The following ZRANB3 variants were observed in gnomAD, a reference collection of about 807,000 sequenced individuals.
ZRANB3 encodes the protein DNA annealing helicase and endonuclease ZRANB3.
In ZRANB3, 125 loss-of-function variants were observed where a neutral mutation model predicts 133.8. The observed-to-expected ratio is 0.93, with a 90% confidence interval of 0.81 to 1.08. ZRANB3 has a LOEUF of 1.08. ZRANB3 is among the 50% of genes least tolerant of loss of function. ZRANB3 has a pLI of 0.00. For missense variants in ZRANB3, 1,229 were observed against 1,275.5 expected (o/e 0.96, Z 0.56); for synonymous variants, 387 against 432.7 (o/e 0.89, Z 1.31).
chr2:135,434,683 T>G, intron 2 of ZRANB3, among the ~76,000 whole-genome samples: 1 of 152,264 alleles, frequency 6.6e-6, no homozygotes, highest in East Asian at 1.9e-4. Flanking sequence ...TTTACTATCA[T>G]GAATCCTGTT....
At chr2:135,478,887 A>C (rs935623144) in intron 2 of ZRANB3, among the ~76,000 whole-genome samples, 29 of 151,772 alleles carry the variant, frequency 1.9e-4, no homozygotes, top group African/African-American at 7.0e-4. Flanking sequence ...TGTTATATGT[A>C]TATATGTATA....
At chr2:135,381,477 C>G (rs1311819624) in intron 3 of ZRANB3, among the ~76,000 whole-genome samples, 1 of 152,164 alleles carries the variant, frequency 6.6e-6, no homozygotes, top group Non-Finnish European at 1.5e-5. Context: ...TTAAATGTCC[C>G]TGACAGCTTG....
intron 2 of ZRANB3, among the ~76,000 whole-genome samples, chr2:135,431,331 G>T (rs1038652764): frequency 6.7e-6 from 1 of 149,868 alleles, no homozygotes; most frequent in Non-Finnish European, 1.5e-5. Context: ...AAAAGTAGAT[G>T]ATATATATTG....
intron 8 of ZRANB3, among the ~76,000 whole-genome samples, chr2:135,293,471 C>T (rs1314709709): frequency 6.6e-6 from 1 of 152,070 alleles, no homozygotes; most frequent in Non-Finnish European, 1.5e-5. Flanking sequence ...GCTGAAGTTG[C>T]CTATCAGCTT....
chr2:135,312,981 C>A (rs746110743), intron 8 of ZRANB3, among the ~76,000 whole-genome samples: 41 of 148,586 alleles, frequency 2.8e-4, no homozygotes, highest in Non-Finnish European at 5.8e-4. Flanking sequence ...GATTGAGCCA[C>A]TGCACACCAG....
chr2:135,248,333 C>T (rs550577298), intron 12 of ZRANB3, among the ~76,000 whole-genome samples: 106 of 152,280 alleles, frequency 7.0e-4, no homozygotes, highest in Admixed American at 1.2e-3. Flanking sequence ...TATAAAAGCC[C>T]TGGGAGACAA....
Position 135,362,540 on chromosome 2 carries a change from T to A in ZRANB3, c.181-8912A>T, listed in dbSNP as rs994686046. The stretch of plus-strand genomic sequence containing the variant: ...GTCGGGGATGGTGGCAGAACTTAAG[T>A]AGAGTTGTAGTCCAAAGCATGGCTT... On this transcript the variant is annotated intron_variant, in intron 3 of 20. Transcript: ENST00000264159. Among the ~76,000 whole-genome samples, 7 of 152,280 alleles carry A rather than the reference T, an allele frequency of 4.6e-5. No homozygotes were observed. In the East Asian group the frequency reaches 1.3e-3, roughly 29 times the overall value.
intron 6 of ZRANB3, among the ~76,000 whole-genome samples, chr2:135,328,202 C>T (rs1378284729): frequency 1.3e-5 from 2 of 151,964 alleles, no homozygotes; most frequent in Non-Finnish European, 2.9e-5. Flanking sequence ...TCTCCTAATG[C>T]TATCCCTCCC....
chr2:135,477,169 T>C (rs1017693550), intron 2 of ZRANB3, among the ~76,000 whole-genome samples: 3 of 152,232 alleles, frequency 2.0e-5, no homozygotes, highest in South Asian at 2.1e-4. Flanking sequence ...TTCTCTGTTA[T>C]GTGTAAATAT....
chr2:135,406,657 T>C (rs1049163940), intron 2 of ZRANB3, among the ~76,000 whole-genome samples: 5 of 152,158 alleles, frequency 3.3e-5, no homozygotes, highest in South Asian at 2.1e-4. Context: ...GGATGCAAGG[T>C]TGGTTCAACA....
intron 1 of ZRANB3, chr2:135,510,812 T>C (rs1693419012): frequency 2.4e-6 from 2 of 838,836 alleles, no homozygotes; most frequent in Admixed American, 3.4e-5. Context: ...CAAAACTGGG[T>C]AATTTCCCAC....
chr2:135,222,310 G>A (rs1165738864), intron 15 of ZRANB3, among the ~76,000 whole-genome samples: 2 of 151,386 alleles, frequency 1.3e-5, no homozygotes, highest in African/African-American at 4.9e-5. Context: ...GCTGAGGCAG[G>A]AGAATCACTT....
In ZRANB3 at chr2:135,197,346, C is replaced by T. The variant is rs954178808; in HGVS notation, c.*2996G>A. ...GTCTGTCATATAATTTAAAATGCCTCATACTTTTATTTCTAAAGAAACTAC... is the reference window on the plus strand; with the variant it reads ...GTCTGTCATATAATTTAAAATGCCTTATACTTTTATTTCTAAAGAAACTAC... On this transcript the variant is annotated 3_prime_UTR_variant, in exon 21 of 21. Coordinates refer to ENST00000264159, the MANE Select transcript of ZRANB3 (RefSeq NM_032143.4). 6.6e-6 allele frequency: 1 copy of T among 152,180 alleles called. No homozygotes were observed. The highest frequency in any genetic ancestry group is 2.4e-5 in the African/African-American group (1 of 41,446). The allele number at this position is 152,180 out of a possible 1,614,324, so 9.4% of individuals were successfully genotyped here. A position where few individuals can be genotyped will look rare whatever the true frequency, so the allele number is the denominator to read the frequency against.
chr2:135,246,039 C>CTTTTTTTTTT (rs569950745), intron 12 of ZRANB3, among the ~76,000 whole-genome samples: 1 of 100,424 alleles, frequency 1.0e-5, no homozygotes, highest in African/African-American at 4.0e-5. Context: ...TTCTTTCTTT[C>CTTTTTTTTTT]TTTTTTTTTT....
At chr2:135,312,493 AC>A (rs763535909) in intron 8 of ZRANB3, among the ~76,000 whole-genome samples, 5 of 152,184 alleles carry the variant, frequency 3.3e-5, no homozygotes, top group Non-Finnish European at 7.4e-5. Context: ...TACAGGTTCT[AC>A]CATGGTGGTA....
chr2:135,230,479 C>T (rs1483495651), intron 13 of ZRANB3, 34 bp downstream of exon 13: 3 of 1,467,106 alleles, frequency 2.0e-6, no homozygotes, highest in Non-Finnish European at 2.7e-6. Context: ...CCACTAACAG[C>T]CCTTACCTCC....
At chr2:135,262,194 T>G (rs1292187332) in intron 12 of ZRANB3, among the ~76,000 whole-genome samples, 1 of 151,326 alleles carries the variant, frequency 6.6e-6, no homozygotes, top group Non-Finnish European at 1.5e-5. Context: ...AGAAAACTCT[T>G]TTTTAAATTA....
At chr2:135,254,846 G>T (rs1255016855) in intron 12 of ZRANB3, among the ~76,000 whole-genome samples, 2 of 151,930 alleles carry the variant, frequency 1.3e-5, no homozygotes, top group South Asian at 2.1e-4. Context: ...CACCTCCCGG[G>T]TTTACACCAT....
intron 2 of ZRANB3, among the ~76,000 whole-genome samples, chr2:135,426,993 G>A (rs1181979249): frequency 7.1e-6 from 1 of 141,274 alleles, no homozygotes. Context: ...ATACAGAAAA[G>A]GTTTTCAATA....
Sources: gnomAD v4.1 joint callset for allele counts (sites outside exome capture counted in the v4.1 genomes callset) on GRCh38, gnomAD v4.1.1 for gene constraint, MANE v1.5 for transcripts, NCBI Gene and HGNC (gene_info 2026-07-23, HGNC 2026-07-21) for gene names.